Variants in DENR observed in about 807,000 individuals in gnomAD.
The protein encoded by DENR is density-regulated protein.
A neutral mutation model predicts 30.6 loss-of-function variants in DENR; 6 were observed. The observed-to-expected ratio is 0.20, with a 90% CI of 0.11 to 0.39. DENR has a LOEUF of 0.39. Among genes scored for constraint, DENR ranks in the 10% least tolerant of loss-of-function variants. The probability of loss-of-function intolerance (pLI) is 1.00; values close to 1 mark genes in which losing one functional copy is unlikely to be tolerated. For missense variants in DENR, 141 were observed against 230.9 expected, an observed-to-expected ratio of 0.61 and a Z score of 2.52; for synonymous variants, 78 against 72.1, an observed-to-expected ratio of 1.08 and a Z score of -0.41.
rs1307336144 is a variant in DENR, at chr12:122,752,860, GC to G, written c.-99del. 7 of 152,590 alleles carry G rather than the reference GC, an allele frequency of 4.6e-5. No individual in the cohort carries two copies. The highest frequency in any genetic ancestry group is 1.4e-4 in the African/African-American group (6 of 41,602). 9.5% of individuals were successfully genotyped at this position (152,590 alleles called of 1,614,324 possible). ...GCGCTGCTGGCGGTCGGGCGCTCGG[GC>G]GGCCCTGGCCGGGGAGACGAGTTGC... On this transcript the variant is annotated 5_prime_UTR_variant, in exon 1 of 8. Coordinates refer to ENST00000280557, the MANE Select transcript of DENR (RefSeq NM_003677.5).
At chr12:122,761,240 C>T (rs565073581) in intron 2 of DENR, among the ~76,000 whole-genome samples, 2 of 151,208 alleles carry the variant, frequency 1.3e-5, no homozygotes, top group South Asian at 2.1e-4. Flanking sequence ...GGTGAAACCC[C>T]GTCTCTACTA....
rs1878688394 is a variant in DENR at position 122,761,128 on chromosome 12, TA to T, written c.107-1058del. ...AGTGAGACCCTTACTCTAAAAAAAA[TA>T]GGCCAGGTGCGGTGGCTCATGCCTG... On this transcript the variant is annotated intron_variant, in intron 2 of 7. Transcript: ENST00000280557. 2.6e-5 allele frequency among the ~76,000 whole-genome samples: 4 copies of T among 151,606 alleles called. No homozygotes were observed. In the South Asian group the frequency reaches 8.3e-4, roughly 32 times the overall value.
intron 7 of DENR, 36 bp downstream of exon 7, chr12:122,768,957 G>T: frequency 1.2e-6 from 2 of 1,603,354 alleles, no homozygotes; most frequent in Non-Finnish European, 1.7e-6. Context: ...CTAGAGATAA[G>T]TTTTTAAAGC....
intron 2 of DENR, among the ~76,000 whole-genome samples, chr12:122,755,128 AAGAG>A (rs950146461): frequency 1.1e-4 from 16 of 152,314 alleles, no homozygotes; most frequent in African/African-American, 3.1e-4. Context: ...CTAAGGGAGA[AAGAG>A]AGAAAAGCCA....
intron 6 of DENR, 35 bp from the exon 7 acceptor site, chr12:122,768,747 T>TA: frequency 6.7e-7 from 1 of 1,501,114 alleles, no homozygotes; most frequent in Non-Finnish European, 8.9e-7. Flanking sequence ...CAATTCCAAT[T>TA]ACAGTTCTTG....
chr12:122,755,434 C>A (rs1291754395), intron 2 of DENR, among the ~76,000 whole-genome samples: 1 of 152,018 alleles, frequency 6.6e-6, no homozygotes, highest in African/African-American at 2.4e-5. Context: ...AAAAACTTAG[C>A]CAGGCCTGGT....
intron 2 of DENR, among the ~76,000 whole-genome samples, chr12:122,759,630 A>G (rs1410238539): frequency 6.6e-6 from 1 of 152,206 alleles, no homozygotes; most frequent in African/African-American, 2.4e-5. Flanking sequence ...CTGAGCTACG[A>G]GAATCACTTG....
intron 5 of DENR, among the ~76,000 whole-genome samples, chr12:122,766,699 C>A (rs1176765282): frequency 1.3e-5 from 2 of 152,220 alleles, no homozygotes; most frequent in Non-Finnish European, 2.9e-5. Flanking sequence ...TGAGAACCAT[C>A]TTACATTCTC....
intron 5 of DENR, among the ~76,000 whole-genome samples, chr12:122,766,263 A>G (rs2135512388): frequency 6.6e-6 from 1 of 152,288 alleles, no homozygotes; most frequent in East Asian, 1.9e-4. Context: ...GCTAAATAAT[A>G]AGCGCACATG....
rs1487875689 is a variant in DENR, at chr12:122,769,424, G to A, written c.*346G>A. The A allele has an allele frequency of 5.0e-5, 49 of 986,570 alleles. No homozygotes were observed. The highest frequency in any genetic ancestry group is 7.0e-5 in the African/African-American group (4 of 56,900). The allele number at this position is 986,570 out of a possible 1,614,324, so 61.1% of individuals were successfully genotyped here. A position where few individuals can be genotyped will look rare whatever the true frequency, so the allele number is the denominator to read the frequency against. The stretch of plus-strand genomic sequence containing the variant: ...TTTTTATTGCCAAAGTCAAATAAAC[G>A]GGAGACTGTCATGCTCATGCATGAA... On this transcript the variant is annotated 3_prime_UTR_variant, in exon 8 of 8. Transcript: ENST00000280557.
At chr12:122,760,933 G>A (rs1878682166) in intron 2 of DENR, among the ~76,000 whole-genome samples, 1 of 152,028 alleles carries the variant, frequency 6.6e-6, no homozygotes, top group Non-Finnish European at 1.5e-5. Flanking sequence ...TGGCAACATA[G>A]CGAGATCCCG....
intron 2 of DENR, among the ~76,000 whole-genome samples, chr12:122,759,607 G>A (rs1397308646): frequency 6.6e-6 from 1 of 152,188 alleles, no homozygotes; most frequent in Non-Finnish European, 1.5e-5. Flanking sequence ...TGTAATCCCA[G>A]CTACTCGGGA....
chr12:122,761,149 T>C (rs1878689550), intron 2 of DENR, among the ~76,000 whole-genome samples: 2 of 151,924 alleles, frequency 1.3e-5, no homozygotes, highest in Non-Finnish European at 2.9e-5. Context: ...CGGTGGCTCA[T>C]GCCTGTAATC....
chr12:122,759,741 T>C (rs1878646329), intron 2 of DENR, among the ~76,000 whole-genome samples: 1 of 151,952 alleles, frequency 6.6e-6, no homozygotes, highest in Non-Finnish European at 1.5e-5. Context: ...CTGAACTAAA[T>C]ATTATTTGAA....
chr12:122,763,095 A>C (rs1249571168), intron 4 of DENR, 166 bp downstream of exon 4: 4 of 547,292 alleles, frequency 7.3e-6, no homozygotes, highest in Non-Finnish European at 9.6e-6. Flanking sequence ...CTGAATATCA[A>C]CTTTCTTACA....
intron 3 of DENR, among the ~76,000 whole-genome samples, chr12:122,762,564 C>CT (rs1458681576): frequency 6.6e-6 from 1 of 152,192 alleles, no homozygotes; most frequent in African/African-American, 2.4e-5. Context: ...AAGTCCAGCT[C>CT]TATGAGCAAG....
At chr12:122,756,640 T>C (rs999258288) in intron 2 of DENR, among the ~76,000 whole-genome samples, 1 of 151,076 alleles carries the variant, frequency 6.6e-6, no homozygotes, top group Non-Finnish European at 1.5e-5. Flanking sequence ...GGCAAAGGAG[T>C]GGAGGTAGGA....
At chr12:122,767,643 A>G in intron 6 of DENR, 39 bp downstream of exon 6, 1 of 1,194,556 alleles carries the variant, frequency 8.4e-7, no homozygotes, top group Non-Finnish European at 1.2e-6. Flanking sequence ...TGTGTGAACT[A>G]TTTTCTCTCT....
chr12:122,770,421 C>T lies in DENR; in HGVS notation c.*1343C>T, dbSNP rs969230319. The T allele has an allele frequency of 3.1e-5, 12 of 391,186 alleles. No individual in the cohort carries two copies. Among genetic ancestry groups the T allele is most frequent in the African/African-American group, 8.3e-5 (4 of 48,458 alleles). 24.2% of individuals were successfully genotyped at this position (391,186 alleles called of 1,614,324 possible). A position where few individuals can be genotyped will look rare whatever the true frequency, so the allele number is the denominator to read the frequency against. ...CCCCAGATACATTTTAGACATTTAT[C>T]GTCATCATCTGCTCTGAGTGGAAGG... On this transcript the variant is annotated 3_prime_UTR_variant, in exon 8 of 8. Coordinates refer to ENST00000280557, the MANE Select transcript of DENR (RefSeq NM_003677.5).
Sources: allele counts gnomAD v4.1 joint callset (sites outside exome capture counted in the v4.1 genomes callset), GRCh38; gene constraint gnomAD v4.1.1; transcripts MANE v1.5; gene names NCBI Gene and HGNC (gene_info 2026-07-23, HGNC 2026-07-21).